Variants in DIPK2B observed in about 807,000 individuals in gnomAD.
DIPK2B encodes divergent protein kinase domain 2B.
DIPK2B carries 15 observed loss-of-function variants against 22.2 expected under a neutral mutation model. The ratio of observed to expected loss-of-function variants is 0.68; its 90% CI spans 0.45 to 1.04. The LOEUF (loss-of-function observed/expected upper bound fraction) is 1.04, where lower values mean the gene tolerates loss of function less well. Ranked by LOEUF, DIPK2B falls within the 50% of genes least tolerant of loss-of-function variation. DIPK2B has a pLI of 0.00. For missense variants in DIPK2B, 345 were observed against 348.3 expected, an observed-to-expected ratio of 0.99 and a Z score of 0.08; for synonymous variants, 163 against 153.2, an observed-to-expected ratio of 1.06 and a Z score of -0.47.
chrX:45,184,110 A>G (rs1250266081), intron 2 of DIPK2B, among the ~76,000 whole-genome samples: 1 of 111,853 alleles, frequency 8.9e-6, no homozygotes, highest in Admixed American at 9.5e-5. Context: ...AAGAAGCTTC[A>G]ATATGAGAGG....
intron 2 of DIPK2B, among the ~76,000 whole-genome samples, chrX:45,171,775 G>T (rs970001703): frequency 8.9e-6 from 1 of 112,716 alleles, no homozygotes; most frequent in Admixed American, 9.4e-5. Flanking sequence ...TATAGGCCTT[G>T]TGCTATGCAC....
intron 1 of DIPK2B, among the ~76,000 whole-genome samples, chrX:45,199,848 G>C (rs2047257923): frequency 9.0e-6 from 1 of 111,447 alleles, no homozygotes; most frequent in Non-Finnish European, 1.9e-5. Context: ...CTCATGGACT[G>C]TGTGTTGATA....
intron 1 of DIPK2B, among the ~76,000 whole-genome samples, chrX:45,194,689 T>C (rs1474095264): frequency 1.8e-5 from 2 of 112,159 alleles, no homozygotes; most frequent in Non-Finnish European, 3.8e-5. Context: ...GATTATTTTG[T>C]CCCTTCCCCA....
At chrX:45,157,911 C>G (rs780524532) in intron 2 of DIPK2B, 23 bp from the exon 3 acceptor site, 6 of 933,045 alleles carry the variant, frequency 6.4e-6, no homozygotes, top group Non-Finnish European at 5.5e-6. Flanking sequence ...GGGAGAGAGG[C>G]GGGAGAAGAA....
chrX:45,157,866 C>T lies in DIPK2B; in HGVS notation c.521G>A (p.Arg174His), dbSNP rs755578524. 8.7e-7 allele frequency: 1 copy of T among 1,155,271 alleles called. No individual in the cohort carries two copies. Among genetic ancestry groups the T allele is most frequent in the Non-Finnish European group, 1.2e-6 (1 of 866,538 alleles). Reference sequence around the variant, plus strand: ...ATCCAGGAGTCGCTGCGAAGGGCAGCGCAGGAGCGGGCTGGCCAGGCCCTA... The same window carrying T: ...ATCCAGGAGTCGCTGCGAAGGGCAGTGCAGGAGCGGGCTGGCCAGGCCCTA... ...LVQGLASPLL[R>H]CPSQRLLDRV... is the part of the protein sequence containing the mutation. The change falls in exon 3 of 5, where the codon CGC becomes CAC. Residue 174 changes from arginine to histidine, a missense_variant. Physicochemically the swap from Arg to His is conservative, Grantham distance 29. Transcript: ENST00000398000.
At chrX:45,200,009 C>T (rs2047258845) in intron 1 of DIPK2B, among the ~76,000 whole-genome samples, 1 of 112,502 alleles carries the variant, frequency 8.9e-6, no homozygotes, top group African/African-American at 3.2e-5. Context: ...TTGAATTCCA[C>T]AGCTGCTACT....
At chrX:45,167,561 G>T (rs2047055667) in intron 2 of DIPK2B, among the ~76,000 whole-genome samples, 1 of 106,727 alleles carries the variant, frequency 9.4e-6, no homozygotes, top group African/African-American at 3.4e-5. Flanking sequence ...TACAGTACAT[G>T]AATTTTTTTT....
intron 2 of DIPK2B, among the ~76,000 whole-genome samples, chrX:45,190,756 C>T (rs1439985748): frequency 8.9e-6 from 1 of 112,241 alleles, no homozygotes; most frequent in Non-Finnish European, 1.9e-5. Context: ...CTAGTGTCTA[C>T]ATTCATCAAA....
intron 2 of DIPK2B, among the ~76,000 whole-genome samples, chrX:45,175,293 A>G (rs1322327256): frequency 8.9e-6 from 1 of 111,737 alleles, no homozygotes; most frequent in Non-Finnish European, 1.9e-5. Context: ...TAAAAATAAA[A>G]AATGTAAACA....
At chrX:45,175,003 C>T (rs1309640887) in intron 2 of DIPK2B, among the ~76,000 whole-genome samples, 6 of 111,738 alleles carry the variant, frequency 5.4e-5, no homozygotes, top group Non-Finnish European at 1.1e-4. Context: ...AGGAGACAGG[C>T]CTGTGTTCAA....
rs1319614921 is a variant in DIPK2B, at chrX:45,157,836, A to G, written c.551T>C (p.Val184Ala). The change falls in exon 3 of 5, where the codon GTG becomes GCG. Residue 184 changes from valine (V) to alanine (A), a missense_variant. Val to Ala is a moderately conservative substitution (Grantham distance 64). Transcript: ENST00000398000. ...RCPSQRLLDRVVRRYAEVADA... is the reference protein window; with the variant it reads ...RCPSQRLLDRAVRRYAEVADA... The stretch of plus-strand genomic sequence containing the variant: ...GGCCACCTCTGCATAGCGCCTGACC[A>G]CGCGATCCAGGAGTCGCTGCGAAGG... 2 of 1,166,756 alleles carry G rather than the reference A, an allele frequency of 1.7e-6. No homozygotes were observed. Among genetic ancestry groups the G allele is most frequent in the African/African-American group, 3.7e-5 (2 of 54,794 alleles).
At position 45,195,553 on chromosome X, in the gene DIPK2B, A is replaced by G. The variant is rs772307726; in HGVS notation, c.234-3538T>C. 5.4e-5 allele frequency among the ~76,000 whole-genome samples: 6 copies of G among 111,905 alleles called. No homozygotes were observed. In the South Asian group the frequency reaches 1.1e-3, roughly 21 times the overall value. ...TCCTCCCTTCCCTCTTCTTCATCCC[A>G]TAGCTCTGCACTGAACCTTTAACCC... On this transcript the variant is annotated intron_variant, in intron 1 of 4. Coordinates refer to ENST00000398000, the MANE Select transcript of DIPK2B (RefSeq NM_176819.4).
intron 2 of DIPK2B, among the ~76,000 whole-genome samples, chrX:45,169,018 T>C (rs5905927): frequency 1.5e-3 from 173 of 111,816 alleles, no homozygotes; most frequent in Non-Finnish European, 2.8e-3. Flanking sequence ...CACCTATAAC[T>C]GATGGATAGG....
At chrX:45,157,928 G>A (rs1327703844) in intron 2 of DIPK2B, 40 bp from the exon 3 acceptor site, 2 of 1,058,984 alleles carry the variant, frequency 1.9e-6, no homozygotes, top group Non-Finnish European at 1.2e-6. Context: ...AGAAGGGGGC[G>A]GGGCGCTAAG....
chrX:45,162,437 C>T (rs2047026800), intron 2 of DIPK2B: 2 of 753,850 alleles, frequency 2.7e-6, no homozygotes, highest in Non-Finnish European at 1.6e-6. Context: ...TTTTACTAAC[C>T]CCTCCCTTTA....
chrX:45,165,524 T>C (rs900830804), intron 2 of DIPK2B, among the ~76,000 whole-genome samples: 2 of 110,189 alleles, frequency 1.8e-5, no homozygotes, highest in East Asian at 5.7e-4. Flanking sequence ...TGGAAAGTAA[T>C]TGACTGTCCA....
At chrX:45,173,920 T>G (rs2047102060) in intron 2 of DIPK2B, among the ~76,000 whole-genome samples, 1 of 111,347 alleles carries the variant, frequency 9.0e-6, no homozygotes, top group African/African-American at 3.3e-5. Context: ...CCCTCTTCAC[T>G]GCCCTCATTC....
At chrX:45,191,326 C>T (rs1011598912) in intron 2 of DIPK2B, 2 of 124,153 alleles carry the variant, frequency 1.6e-5, no homozygotes, top group Non-Finnish European at 3.2e-5. Flanking sequence ...TCAAAGTTGT[C>T]TCTCTGTATT....
chrX:45,153,464 C>A (rs2046971495), intron 4 of DIPK2B, among the ~76,000 whole-genome samples: 1 of 99,634 alleles, frequency 1.0e-5, no homozygotes, highest in African/African-American at 3.7e-5. Context: ...GGGAGATGGA[C>A]CCAAAAGTTT....
Sources: allele counts gnomAD v4.1 joint callset (sites outside exome capture counted in the v4.1 genomes callset), GRCh38; gene constraint gnomAD v4.1.1; transcripts MANE v1.5; gene names NCBI Gene and HGNC (gene_info 2026-07-23, HGNC 2026-07-21).